Variants in RALYL observed in about 807,000 individuals in gnomAD.
The protein encoded by RALYL is RALY RNA binding protein like.
In RALYL, 29 loss-of-function variants were observed where a neutral mutation model predicts 35.1. That is an observed-to-expected ratio of 0.83 (90% confidence interval 0.61 to 1.13). The LOEUF (loss-of-function observed/expected upper bound fraction) is 1.13, where lower values mean the gene tolerates loss of function less well. Among genes scored for constraint, RALYL ranks in the 50% most tolerant of loss-of-function variants. The pLI is 0.00. For synonymous variants in RALYL, 120 were observed against 127.6 expected, an observed-to-expected ratio of 0.94 and a Z score of 0.40; for missense variants, 359 against 360.4, an observed-to-expected ratio of 1.00 and a Z score of 0.03.
chr8:84,887,245 G>A (rs971189633), intron 7 of RALYL, among the ~76,000 whole-genome samples: 1 of 151,980 alleles, frequency 6.6e-6, no homozygotes, highest in Admixed American at 6.6e-5. Context: ...ATTTGTTTTT[G>A]CTCTATTTTT....
At chr8:84,912,987 G>C (rs890056601) in intron 8 of RALYL, among the ~76,000 whole-genome samples, 8 of 113,542 alleles carry the variant, frequency 7.0e-5, no homozygotes, top group Admixed American at 2.1e-4. Flanking sequence ...ACCCAGGATG[G>C]ATGGATGGAT....
At chr8:84,388,676 T>G (rs1441781161) in intron 1 of RALYL, among the ~76,000 whole-genome samples, 3 of 152,108 alleles carry the variant, frequency 2.0e-5, no homozygotes, top group Non-Finnish European at 4.4e-5. Flanking sequence ...TCGCCCACTT[T>G]TTGATGGGGT....
At chr8:84,412,965 A>G (rs1388417) in intron 1 of RALYL, among the ~76,000 whole-genome samples, 49,285 of 151,768 alleles carry the variant, frequency 0.32, 9,733 homozygotes, top group South Asian at 0.58. Flanking sequence ...ATTCACTAAA[A>G]GGAAAGGTAA....
At chr8:84,899,118 G>C (rs748399006) in intron 8 of RALYL, among the ~76,000 whole-genome samples, 18 of 152,048 alleles carry the variant, frequency 1.2e-4, no homozygotes, top group Non-Finnish European at 2.1e-4. Context: ...TGTTCCCTCT[G>C]CCTGGAATAA....
chr8:84,542,032 T>C (rs184778483), intron 2 of RALYL, among the ~76,000 whole-genome samples: 57 of 152,228 alleles, frequency 3.7e-4, no homozygotes, highest in African/African-American at 1.3e-3. Context: ...CCTATTCACA[T>C]TTAATTGCGG....
At chr8:84,920,700 G>C (rs1237115743) in intron 8 of RALYL, among the ~76,000 whole-genome samples, 194 bp from the exon 9 acceptor site, 1 of 151,902 alleles carries the variant, frequency 6.6e-6, no homozygotes, top group East Asian at 1.9e-4. Context: ...TTCCATAAAT[G>C]AAAATAATTA....
At chr8:84,540,014 A>C (rs1271781218) in intron 2 of RALYL, among the ~76,000 whole-genome samples, 1 of 151,014 alleles carries the variant, frequency 6.6e-6, no homozygotes, top group African/African-American at 2.4e-5. Context: ...AAATACTGTA[A>C]ATGACACCAT....
chr8:84,572,599 C>T (rs1019667259), intron 2 of RALYL, among the ~76,000 whole-genome samples: 3 of 151,770 alleles, frequency 2.0e-5, no homozygotes, highest in Admixed American at 6.6e-5. Flanking sequence ...CATTTCAATT[C>T]TCACCACTCT....
chr8:84,396,468 T>C (rs1861777075), intron 1 of RALYL, among the ~76,000 whole-genome samples: 1 of 152,140 alleles, frequency 6.6e-6, no homozygotes, highest in Admixed American at 6.5e-5. Flanking sequence ...ATTTATTCAC[T>C]CATTCATTCA....
chr8:84,453,783 T>C (rs938876629), intron 1 of RALYL, among the ~76,000 whole-genome samples: 3 of 152,000 alleles, frequency 2.0e-5, no homozygotes, highest in Non-Finnish European at 2.9e-5. Flanking sequence ...ACAACAGGTT[T>C]TGTTGGCTTA....
intron 2 of RALYL, among the ~76,000 whole-genome samples, chr8:84,604,138 G>A (rs1816601857): frequency 6.6e-6 from 1 of 152,008 alleles, no homozygotes; most frequent in South Asian, 2.1e-4. Context: ...ATAAAATTGA[G>A]TGCGCTTCTG....
chr8:84,228,826 G>T (rs1391421154), intron 1 of RALYL, among the ~76,000 whole-genome samples: 1 of 152,082 alleles, frequency 6.6e-6, no homozygotes, highest in Non-Finnish European at 1.5e-5. Flanking sequence ...GAGTGAAGGG[G>T]GAAGCCCCTT....
intron 2 of RALYL, among the ~76,000 whole-genome samples, chr8:84,706,799 C>G (rs1841297372): frequency 6.6e-6 from 1 of 152,132 alleles, no homozygotes; most frequent in African/African-American, 2.4e-5. Flanking sequence ...CAATATGCCT[C>G]TCAAGAAAAG....
At chr8:84,913,039 G>GACA (rs1357713065) in intron 8 of RALYL, among the ~76,000 whole-genome samples, 1 of 132,912 alleles carries the variant, frequency 7.5e-6, no homozygotes, top group East Asian at 2.1e-4. Context: ...TGGATAGGTA[G>GACA]GTAGATAGAT....
intron 1 of RALYL, among the ~76,000 whole-genome samples, chr8:84,259,852 G>A (rs986622989): frequency 1.3e-5 from 2 of 152,132 alleles, no homozygotes; most frequent in African/African-American, 2.4e-5. Context: ...TGTGATGGAA[G>A]CTCATGAATA....
At chr8:84,583,140 A>G (rs16912998) in intron 2 of RALYL, among the ~76,000 whole-genome samples, 2,000 of 152,238 alleles carry the variant, frequency 0.013, 40 homozygotes, top group African/African-American at 0.046. Flanking sequence ...CTTCTGATAA[A>G]TAACAGTGCC....
intron 2 of RALYL, among the ~76,000 whole-genome samples, chr8:84,696,929 G>A (rs964135792): frequency 2.6e-5 from 4 of 151,924 alleles, no homozygotes; most frequent in South Asian, 4.1e-4. Context: ...ATGAGGTTTC[G>A]AGATGGATTT....
chr8:84,859,592 A>G (rs1470118936), intron 5 of RALYL, among the ~76,000 whole-genome samples: 1 of 152,180 alleles, frequency 6.6e-6, no homozygotes, highest in Non-Finnish European at 1.5e-5. Context: ...GCTCATGCGT[A>G]TAATCCCATT....
intron 1 of RALYL, among the ~76,000 whole-genome samples, chr8:84,380,622 G>T (rs1026015130): frequency 2.6e-5 from 4 of 151,912 alleles, no homozygotes; most frequent in African/African-American, 9.7e-5. Context: ...TTAACCACAT[G>T]TCTGTTCCTG....
Sources: gnomAD v4.1 joint callset for allele counts (sites outside exome capture counted in the v4.1 genomes callset) on GRCh38, gnomAD v4.1.1 for gene constraint, MANE v1.5 for transcripts, NCBI Gene and HGNC (gene_info 2026-07-23, HGNC 2026-07-21) for gene names.